SLC16A4: variants seen among roughly 807,000 people sequenced by gnomAD.
The protein encoded by SLC16A4 is solute carrier family 16 member 4.
In SLC16A4, 39 loss-of-function variants were observed where a neutral mutation model predicts 47.9. The ratio of observed to expected loss-of-function variants is 0.81; its 90% CI spans 0.63 to 1.06. The LOEUF (loss-of-function observed/expected upper bound fraction) is 1.06, where lower values mean the gene tolerates loss of function less well. Among genes scored for constraint, SLC16A4 ranks in the 50% least tolerant of loss-of-function variants. The probability of loss-of-function intolerance (pLI) is 0.00; values close to 1 mark genes in which losing one functional copy is unlikely to be tolerated. For synonymous variants in SLC16A4, 189 were observed against 199.9 expected (o/e 0.95, Z 0.46); for missense variants, 524 against 573.8 (o/e 0.91, Z 0.89).
chr1:110,388,097 G>A lies in SLC16A4; in HGVS notation c.87+1140C>T, dbSNP rs573190124. Reference sequence around the variant, plus strand: ...AGGGCTGAGTAGGGGGGAAGTGTCGGCAAGAAAAGGGTGTTTTTTTTTGAG... The same window carrying A: ...AGGGCTGAGTAGGGGGGAAGTGTCGACAAGAAAAGGGTGTTTTTTTTTGAG... On this transcript the variant is annotated intron_variant, in intron 2 of 8. Transcript: ENST00000369779. 5.3e-5 allele frequency among the ~76,000 whole-genome samples: 8 copies of A among 152,128 alleles called. No individual in the cohort carries two copies. In the South Asian group the frequency reaches 1.5e-3, roughly 28 times the overall value.
intron 8 of SLC16A4, among the ~76,000 whole-genome samples, chr1:110,365,853 A>G (rs1328538859): frequency 1.3e-5 from 2 of 152,250 alleles, no homozygotes; most frequent in Non-Finnish European, 1.5e-5. Flanking sequence ...TTCTTGGACA[A>G]AAAGGTAGAC....
intron 8 of SLC16A4, among the ~76,000 whole-genome samples, chr1:110,365,557 G>A (rs952102072): frequency 6.6e-6 from 1 of 152,158 alleles, no homozygotes; most frequent in Middle Eastern, 3.2e-3. Context: ...AGTTACTGGA[G>A]TGAAAACAAC....
intron 8 of SLC16A4, among the ~76,000 whole-genome samples, chr1:110,373,715 G>A (rs1661812122): frequency 7.7e-6 from 1 of 129,932 alleles, no homozygotes; most frequent in Admixed American, 9.0e-5. Flanking sequence ...GTCTCACTCT[G>A]TCACCCAGGC....
intron 8 of SLC16A4, among the ~76,000 whole-genome samples, chr1:110,369,674 G>A (rs1328431483): frequency 6.6e-6 from 1 of 152,150 alleles, no homozygotes; most frequent in Non-Finnish European, 1.5e-5. Context: ...AAATTCTGCA[G>A]GTGACTGGTC....
chr1:110,370,762 C>G (rs1661647093), intron 8 of SLC16A4: 1 of 152,072 alleles, frequency 6.6e-6, no homozygotes, highest in Non-Finnish European at 1.5e-5. Flanking sequence ...TTTTCTAGGG[C>G]TTGGTGGGGG....
At chr1:110,376,642 G>A (rs1194686520) in intron 7 of SLC16A4, among the ~76,000 whole-genome samples, 1 of 152,144 alleles carries the variant, frequency 6.6e-6, no homozygotes, top group Non-Finnish European at 1.5e-5. Context: ...AGCCAAACAA[G>A]TTTCTGGAGC....
chr1:110,388,680 G>A (rs547178435), intron 2 of SLC16A4, among the ~76,000 whole-genome samples: 15 of 152,192 alleles, frequency 9.9e-5, no homozygotes, highest in Non-Finnish European at 1.8e-4. Context: ...TTTAAGAGAT[G>A]ATAGGAAGAG....
intron 8 of SLC16A4, among the ~76,000 whole-genome samples, chr1:110,364,128 G>A (rs544812069): frequency 1.3e-5 from 2 of 152,236 alleles, no homozygotes; most frequent in African/African-American, 4.8e-5. Context: ...AACACATACC[G>A]TTTTATTTTA....
At chr1:110,383,574 C>T (rs1359286696) in intron 2 of SLC16A4, among the ~76,000 whole-genome samples, 1 of 152,068 alleles carries the variant, frequency 6.6e-6, no homozygotes, top group East Asian at 1.9e-4. Flanking sequence ...CCAGCTGATC[C>T]ATCAAATGCA....
intron 8 of SLC16A4, among the ~76,000 whole-genome samples, chr1:110,368,086 C>T (rs1038148099): frequency 1.2e-4 from 19 of 152,188 alleles, no homozygotes; most frequent in Non-Finnish European, 1.5e-5. Context: ...CCTCGGCCTC[C>T]CAAAGTGCTG....
At chr1:110,363,940 AG>A in intron 8 of SLC16A4, 47 bp from the exon 9 acceptor site, 3 of 1,583,948 alleles carry the variant, frequency 1.9e-6, no homozygotes, top group Non-Finnish European at 2.6e-6. Context: ...TTTTGCCATT[AG>A]TAACTCTCAG....
intron 8 of SLC16A4, among the ~76,000 whole-genome samples, chr1:110,374,051 T>G (rs1386332610): frequency 6.6e-6 from 1 of 151,712 alleles, no homozygotes; most frequent in African/African-American, 2.4e-5. Context: ...GAGTCTTTTT[T>G]TGAGATGAAG....
chr1:110,378,848 C>T lies in SLC16A4; in HGVS notation c.1030+5G>A, dbSNP rs535695304. 6.3e-7 allele frequency: 1 copy of T among 1,598,058 alleles called. No homozygotes were observed. Among genetic ancestry groups the T allele is most frequent in the East Asian group, 2.2e-5 (1 of 44,698 alleles). On this transcript the variant is annotated splice_donor_5th_base_variant and intron_variant, in intron 6 of 8. Transcript: ENST00000369779. Reference sequence around the variant, plus strand: ...TGGGTAGGAGGCTGATGTAGGCTTTCTTACCTGCTACAGAAACAAGGTAAG... The same window carrying T: ...TGGGTAGGAGGCTGATGTAGGCTTTTTTACCTGCTACAGAAACAAGGTAAG...
rs1220015362 is a variant in SLC16A4, at chr1:110,387,804, T to C, written c.87+1433A>G. Among the ~76,000 whole-genome samples, 3 of 30,674 alleles carry C rather than the reference T, an allele frequency of 9.8e-5. No individual in the cohort carries two copies. In the South Asian group the frequency reaches 2.6e-3, roughly 26 times the overall value. 20.1% of individuals were successfully genotyped at this position (30,674 alleles called of 152,430 possible). ...CTCAGACTTAGGGCATCCTTTAGTT[T>C]CCCTATTAGTAACATTTCTAGGGGG... On this transcript the variant is annotated intron_variant, in intron 2 of 8. Coordinates refer to ENST00000369779, the MANE Select transcript of SLC16A4 (RefSeq NM_004696.3).
chr1:110,382,951 T>C lies in SLC16A4; in HGVS notation c.103A>G (p.Met35Val), dbSNP rs1329922336. 1.9e-6 allele frequency: 3 copies of C among 1,609,906 alleles called. No individual in the cohort carries two copies. The South Asian group carries it at 3.3e-5, about 18-fold the overall frequency. ...IHFFLVNVFVMGMTKTFAIFF... is the reference protein window; with the variant it reads ...IHFFLVNVFVVGMTKTFAIFF... ...ATTGCAAAAGTCTTGGTCATCCCCA[T>C]CACAAACACATTCACCTAAATCAAA... Residue 35 changes from methionine to valine, a missense_variant, in exon 3 of 9, where the codon ATG becomes GTG. By Grantham distance (21) the Met-to-Val change is conservative. Coordinates refer to ENST00000369779, the MANE Select transcript of SLC16A4 (RefSeq NM_004696.3).
chr1:110,390,166 AC>A (rs1662961059), intron 1 of SLC16A4, among the ~76,000 whole-genome samples: 1 of 152,156 alleles, frequency 6.6e-6, no homozygotes, highest in Admixed American at 6.5e-5. Context: ...GGACTTAGTT[AC>A]CTGGAAAGCC....
chr1:110,389,088 T>G (rs565208194), intron 2 of SLC16A4, 149 bp downstream of exon 2: 1 of 743,030 alleles, frequency 1.3e-6, no homozygotes, highest in African/African-American at 1.8e-5. Flanking sequence ...CTTTAGCAGT[T>G]TTTGGCAGCT....
chr1:110,367,716 T>C (rs934551770), intron 8 of SLC16A4, among the ~76,000 whole-genome samples: 3 of 151,878 alleles, frequency 2.0e-5, no homozygotes, highest in African/African-American at 7.3e-5. Context: ...AATATATATA[T>C]ATAGGGAGAG....
At chr1:110,377,963 G>A (rs1662105347) in intron 6 of SLC16A4, among the ~76,000 whole-genome samples, 1 of 152,100 alleles carries the variant, frequency 6.6e-6, no homozygotes, top group Non-Finnish European at 1.5e-5. Flanking sequence ...CTGAATAGCT[G>A]CTACTACAGG....
Sources: allele counts gnomAD v4.1 joint callset (sites outside exome capture counted in the v4.1 genomes callset), GRCh38; gene constraint gnomAD v4.1.1; transcripts MANE v1.5; gene names NCBI Gene and HGNC (gene_info 2026-07-23, HGNC 2026-07-21).